Variants in ADGRB3 observed in about 807,000 individuals in gnomAD.
ADGRB3 encodes the protein brain-specific angiogenesis inhibitor 3.
In ADGRB3, 37 loss-of-function variants were observed where a neutral mutation model predicts 193.4. The observed-to-expected ratio is 0.19, with a 90% confidence interval of 0.15 to 0.25. The LOEUF (loss-of-function observed/expected upper bound fraction) is 0.25, where lower values mean the gene tolerates loss of function less well. ADGRB3 is among the 10% of genes least tolerant of loss of function. The probability of loss-of-function intolerance (pLI) is 1.00; values close to 1 mark genes in which losing one functional copy is unlikely to be tolerated. For synonymous variants in ADGRB3, 690 were observed against 644.2 expected, an observed-to-expected ratio of 1.07 and a Z score of -1.08; for missense variants, 1,637 against 1,852.9, an observed-to-expected ratio of 0.88 and a Z score of 2.14.
intron 3 of ADGRB3, among the ~76,000 whole-genome samples, chr6:68,807,235 CTTTTTTTTTTT>C (rs771342538): frequency 1.0e-5 from 1 of 100,200 alleles, no homozygotes; most frequent in African/African-American, 3.7e-5. Context: ...TTTCTTTTTT[CTTTTTTTTTTT>C]TTTTTTTTTG....
At chr6:69,188,633 A>G (rs748416085) in intron 17 of ADGRB3, among the ~76,000 whole-genome samples, 4 of 152,020 alleles carry the variant, frequency 2.6e-5, no homozygotes, top group Non-Finnish European at 5.9e-5. Context: ...TACTAGCTTT[A>G]TGTTTCATGA....
At chr6:68,896,740 A>G (rs574959410) in intron 3 of ADGRB3, among the ~76,000 whole-genome samples, 1 of 152,162 alleles carries the variant, frequency 6.6e-6, no homozygotes, top group Non-Finnish European at 1.5e-5. Context: ...AAAGAAAAGT[A>G]GCATTCTAAA....
chr6:68,760,955 T>C (rs1445151817), intron 3 of ADGRB3, among the ~76,000 whole-genome samples: 1 of 152,236 alleles, frequency 6.6e-6, no homozygotes, highest in Non-Finnish European at 1.5e-5. Flanking sequence ...GCTAAACTTA[T>C]AATTTCTAAA....
intron 13 of ADGRB3, among the ~76,000 whole-genome samples, chr6:69,036,397 A>T (rs1770871128): frequency 6.6e-6 from 1 of 152,148 alleles, no homozygotes; most frequent in Admixed American, 6.5e-5. Context: ...CAAATTGATC[A>T]TATTAAACTC....
In ADGRB3 at chr6:68,666,660, G is replaced by A. The variant is rs371614868; in HGVS notation, c.757+27228G>A. Reference sequence around the variant, plus strand: ...GAAATTAAGAATTATAAATAAAGTAGCAAATTAAAATTCTACCTTATCGTC... The same window carrying A: ...GAAATTAAGAATTATAAATAAAGTAACAAATTAAAATTCTACCTTATCGTC... On this transcript the variant is annotated intron_variant, in intron 3 of 31. Coordinates refer to ENST00000370598, the MANE Select transcript of ADGRB3 (RefSeq NM_001704.3). 4.8e-4 allele frequency among the ~76,000 whole-genome samples: 72 copies of A among 151,524 alleles called. No homozygotes were observed. In the East Asian group the frequency reaches 1.0e-2, roughly 21 times the overall value.
At chr6:68,998,780 A>C (rs1474492875) in intron 11 of ADGRB3, among the ~76,000 whole-genome samples, 3 of 152,318 alleles carry the variant, frequency 2.0e-5, no homozygotes, top group Middle Eastern at 3.4e-3. Context: ...CTCTAAGAGG[A>C]GAAGTGAATG....
chr6:68,779,927 T>C (rs1766822302), intron 3 of ADGRB3, among the ~76,000 whole-genome samples: 1 of 152,256 alleles, frequency 6.6e-6, no homozygotes, highest in African/African-American at 2.4e-5. Context: ...TTTTTTATCC[T>C]ACAGAGAAGT....
chr6:69,049,579 T>A (rs1172903948), intron 15 of ADGRB3, among the ~76,000 whole-genome samples: 17 of 152,122 alleles, frequency 1.1e-4, no homozygotes, highest in Non-Finnish European at 1.3e-4. Context: ...TTGTAACTGA[T>A]AATGCCTTGC....
chr6:69,193,136 G>A (rs190518739), intron 17 of ADGRB3, among the ~76,000 whole-genome samples: 2 of 151,998 alleles, frequency 1.3e-5, no homozygotes, highest in Non-Finnish European at 2.9e-5. Flanking sequence ...TTTTTCATCA[G>A]GACTGCCTTC....
At chr6:69,227,088 G>A (rs1766034601) in intron 17 of ADGRB3, among the ~76,000 whole-genome samples, 1 of 152,212 alleles carries the variant, frequency 6.6e-6, no homozygotes, top group South Asian at 2.1e-4. Context: ...TGGATAGTCA[G>A]TGATAACATC....
rs73467758 is a variant in ADGRB3 at position 69,119,651 on chromosome 6, A to G, written c.2480+43613A>G. Among the ~76,000 whole-genome samples, 1,371 of 152,216 alleles carry G rather than the reference A, an allele frequency of 9.0e-3. 21 individuals carry two copies. Among genetic ancestry groups the G allele is most frequent in the African/African-American group, 0.029 (1,193 of 41,546 alleles). On this transcript the variant is annotated intron_variant, in intron 17 of 31. Coordinates refer to ENST00000370598, the MANE Select transcript of ADGRB3 (RefSeq NM_001704.3). The stretch of plus-strand genomic sequence containing the variant: ...TTCCAGGAAGAAGGAAGAACTCTCC[A>G]TTAAATTGGAGAGTGCCAGGCTTAC...
intron 3 of ADGRB3, among the ~76,000 whole-genome samples, chr6:68,693,941 GT>G (rs1402717133): frequency 6.6e-6 from 1 of 151,948 alleles, no homozygotes; most frequent in Non-Finnish European, 1.5e-5. Flanking sequence ...GAATTTTGGA[GT>G]TTCATAAAAC....
At chr6:69,153,149 T>C (rs1451880873) in intron 17 of ADGRB3, among the ~76,000 whole-genome samples, 26 of 152,126 alleles carry the variant, frequency 1.7e-4, no homozygotes, top group Non-Finnish European at 3.8e-4. Flanking sequence ...CAATTGGATT[T>C]TTAATTTTAA....
intron 10 of ADGRB3, among the ~76,000 whole-genome samples, chr6:68,982,929 G>A (rs918859294): frequency 1.3e-4 from 20 of 151,404 alleles, no homozygotes; most frequent in African/African-American, 4.8e-4. Flanking sequence ...TAAATATTTG[G>A]CTTACCTCAG....
chr6:68,967,949 G>C (rs898994461), intron 8 of ADGRB3, among the ~76,000 whole-genome samples: 2 of 152,104 alleles, frequency 1.3e-5, no homozygotes, highest in Admixed American at 1.3e-4. Context: ...AAGCTCTGAG[G>C]TTGCAGTCGG....
rs559200809 is a variant in ADGRB3 at position 68,656,256 on chromosome 6, C to T, written c.757+16824C>T. ...ACAAACAAGAGAATTAGAAATGTGA[C>T]GTTAGACTTTTAACTCTCTGTAGTC... On this transcript the variant is annotated intron_variant, in intron 3 of 31. Coordinates refer to ENST00000370598, the MANE Select transcript of ADGRB3 (RefSeq NM_001704.3). Among the ~76,000 whole-genome samples the T allele has an allele frequency of 2.9e-3, 443 of 151,546 alleles. 1 individual carries two copies. Among genetic ancestry groups the T allele is most frequent in the African/African-American group, 0.01 (427 of 41,468 alleles).
intron 16 of ADGRB3, 152 bp from the exon 17 acceptor site, chr6:69,075,843 C>A: frequency 1.6e-6 from 1 of 617,724 alleles, no homozygotes; most frequent in Non-Finnish European, 2.7e-6. Flanking sequence ...AAACGAAATG[C>A]AAATTTCTTA....
chr6:68,636,854 A>G (rs758028186), intron 1 of ADGRB3, among the ~76,000 whole-genome samples: 3 of 150,842 alleles, frequency 2.0e-5, no homozygotes, highest in Non-Finnish European at 4.4e-5. Flanking sequence ...CCTTTCATGG[A>G]TGGAATTCCT....
intron 31 of ADGRB3, among the ~76,000 whole-genome samples, chr6:69,384,021 T>C (rs1770007860): frequency 6.6e-6 from 1 of 152,030 alleles, no homozygotes; most frequent in African/African-American, 2.4e-5. Context: ...ATTAGTAATG[T>C]TAGCTTCGGA....
Sources: allele counts gnomAD v4.1 joint callset (sites outside exome capture counted in the v4.1 genomes callset), GRCh38; gene constraint gnomAD v4.1.1; transcripts MANE v1.5; gene names NCBI Gene and HGNC (gene_info 2026-07-23, HGNC 2026-07-21).